Variants in SLC7A1 observed in about 807,000 individuals in gnomAD.
SLC7A1 encodes high affinity cationic amino acid transporter 1.
In SLC7A1, 10 loss-of-function variants were observed where a neutral mutation model predicts 53.9. The observed-to-expected ratio is 0.19, with a 90% CI of 0.11 to 0.31. SLC7A1 has a LOEUF of 0.31. Ranked by LOEUF, SLC7A1 falls within the 10% of genes least tolerant of loss-of-function variation. The probability of loss-of-function intolerance (pLI) is 1.00; values close to 1 mark genes in which losing one functional copy is unlikely to be tolerated. For synonymous variants in SLC7A1, 342 were observed against 338.7 expected (o/e 1.01, Z -0.11); for missense variants, 525 against 827.2 (o/e 0.63, Z 4.48).
At chr13:29,527,072 TAA>T (rs34724516) in intron 5 of SLC7A1, among the ~76,000 whole-genome samples, 31,923 of 143,884 alleles carry the variant, frequency 0.22, 3,513 homozygotes, top group African/African-American at 0.23. Flanking sequence ...AGGGCCTGAT[TAA>T]AAAAAAAAAA....
chr13:29,574,851 G>A (rs1241599121), intron 1 of SLC7A1, among the ~76,000 whole-genome samples: 1 of 151,888 alleles, frequency 6.6e-6, no homozygotes, highest in Non-Finnish European at 1.5e-5. Context: ...TCACCATGTT[G>A]GCCAGGATGG....
intron 3 of SLC7A1, 117 bp downstream of exon 3, chr13:29,535,702 T>C (rs1157111680): frequency 3.0e-6 from 3 of 983,628 alleles, no homozygotes; most frequent in Non-Finnish European, 4.6e-6. Flanking sequence ...TCCTATTAAT[T>C]CTGTGCCTCT....
chr13:29,546,236 C>A (rs1566264031), intron 2 of SLC7A1, among the ~76,000 whole-genome samples: 1 of 152,198 alleles, frequency 6.6e-6, no homozygotes, highest in East Asian at 1.9e-4. Flanking sequence ...ACGAAACAGG[C>A]TTTAAGTTCC....
chr13:29,543,934 C>T lies in SLC7A1; in HGVS notation c.-14-7732G>A, dbSNP rs991588486. On this transcript the variant is annotated intron_variant, in intron 2 of 12. Transcript: ENST00000380752. ...GGCTGAGCAGCCACCAACTGCAGAA[C>T]AGCTTCCAGGCACAGTGGGGAAGTT... Among the ~76,000 whole-genome samples the T allele has an allele frequency of 4.6e-5, 7 of 152,292 alleles. No individual in the cohort carries two copies. In the South Asian group the frequency reaches 1.5e-3, roughly 32 times the overall value.
At chr13:29,537,999 C>T (rs115585211) in intron 2 of SLC7A1, among the ~76,000 whole-genome samples, 20 of 152,288 alleles carry the variant, frequency 1.3e-4, no homozygotes, top group African/African-American at 4.6e-4. Context: ...CAGCAATGGT[C>T]GCATCACTGA....
intron 1 of SLC7A1, among the ~76,000 whole-genome samples, chr13:29,589,237 A>G (rs1297541618): frequency 6.6e-6 from 1 of 152,252 alleles, no homozygotes; most frequent in Non-Finnish European, 1.5e-5. Context: ...CTTAAGAAGG[A>G]TGGAACACAG....
chr13:29,528,141 A>G (rs1868984880), intron 5 of SLC7A1, among the ~76,000 whole-genome samples: 1 of 152,258 alleles, frequency 6.6e-6, no homozygotes, highest in African/African-American at 2.4e-5. Context: ...TGGCTGGGTG[A>G]AGCGACAAGC....
At chr13:29,572,034 G>T (rs1297539398) in intron 1 of SLC7A1, among the ~76,000 whole-genome samples, 2 of 152,368 alleles carry the variant, frequency 1.3e-5, no homozygotes, top group South Asian at 4.1e-4. Flanking sequence ...AGGTCAAAGT[G>T]AAATGTCACA....
chr13:29,517,381 C>G (rs1868399741), intron 10 of SLC7A1, 71 bp from the exon 11 acceptor site: 2 of 1,448,632 alleles, frequency 1.4e-6, no homozygotes, highest in Admixed American at 2.0e-5. Context: ...ATCCACTGTT[C>G]TCCCCTAAAC....
Position 29,509,488 on chromosome 13 carries a change from T to TAA in SLC7A1, c.*4990_*4991dup, listed in dbSNP as rs1883333737. ...CACAAAAGAGTTTGATTTTACAACATAAAGTATGGTAGGAAGTGGTCAATG... is the reference window on the plus strand; with the variant it reads ...CACAAAAGAGTTTGATTTTACAACATAAAAAGTATGGTAGGAAGTGGTCAATG... On this transcript the variant is annotated 3_prime_UTR_variant, in exon 13 of 13. Coordinates refer to ENST00000380752, the MANE Select transcript of SLC7A1 (RefSeq NM_003045.5). 6.5e-6 allele frequency: 1 copy of TAA among 152,702 alleles called. No individual in the cohort carries two copies. Among genetic ancestry groups the TAA allele is most frequent in the East Asian group, 1.9e-4 (1 of 5,182 alleles). 9.5% of individuals were successfully genotyped at this position (152,702 alleles called of 1,614,324 possible).
chr13:29,567,192 G>T (rs527581070), intron 1 of SLC7A1, among the ~76,000 whole-genome samples: 1 of 152,290 alleles, frequency 6.6e-6, no homozygotes, highest in Non-Finnish European at 1.5e-5. Flanking sequence ...GTGACAGGGC[G>T]CAGAATAATA....
chr13:29,544,548 T>C (rs1044653323), intron 2 of SLC7A1, among the ~76,000 whole-genome samples: 5 of 152,208 alleles, frequency 3.3e-5, no homozygotes, highest in Admixed American at 6.5e-5. Context: ...AACTCAGTAA[T>C]TCTCAATGCT....
intron 5 of SLC7A1, among the ~76,000 whole-genome samples, chr13:29,528,414 A>C (rs767319736): frequency 7.2e-5 from 11 of 152,204 alleles, no homozygotes; most frequent in South Asian, 4.1e-4. Flanking sequence ...ACCAACAGAC[A>C]GACCGACCTA....
rs1480399000 is a variant in SLC7A1, at chr13:29,512,535, T to A, written c.*1945A>T. The A allele has an allele frequency of 6.6e-6, 1 of 152,184 alleles. No homozygotes were observed. The highest frequency in any genetic ancestry group is 1.5e-5 in the Non-Finnish European group (1 of 68,030). The allele number at this position is 152,184 out of a possible 1,614,324, so 9.4% of individuals were successfully genotyped here. On this transcript the variant is annotated 3_prime_UTR_variant, in exon 13 of 13. Coordinates refer to ENST00000380752, the MANE Select transcript of SLC7A1 (RefSeq NM_003045.5). ...TCTTGGAGACTGTCTATCCCTCGAA[T>A]TCTCTTTGCCTATGTAGAAAATAAC...
At chr13:29,548,635 G>A (rs570097807) in intron 2 of SLC7A1, among the ~76,000 whole-genome samples, 4 of 152,380 alleles carry the variant, frequency 2.6e-5, no homozygotes, top group Admixed American at 1.3e-4. Context: ...TACAGAGCAC[G>A]AGGACTTCCA....
intron 9 of SLC7A1, among the ~76,000 whole-genome samples, chr13:29,518,924 C>G (rs1210864438): frequency 6.6e-6 from 1 of 152,026 alleles, no homozygotes; most frequent in Non-Finnish European, 1.5e-5. Flanking sequence ...TGCCTGGCCC[C>G]CACCAGGCTA....
rs776655733 is a variant in SLC7A1, at chr13:29,514,504, G to T, written c.1866C>A (p.Asp622Glu). The T allele has an allele frequency of 6.2e-7, 1 of 1,610,646 alleles. No individual in the cohort carries two copies. The highest frequency in any genetic ancestry group is 8.5e-7 in the Non-Finnish European group (1 of 1,179,770). The change falls in exon 13 of 13, where the codon GAC (aspartate) becomes GAA (glutamate). Residue 622 changes from aspartate to glutamate, a missense_variant. Physicochemically the swap from Asp to Glu is conservative, Grantham distance 45 (BLOSUM62 2). Coordinates refer to ENST00000380752, the MANE Select transcript of SLC7A1 (RefSeq NM_003045.5). Reference protein sequence around the residue: ...SLDADQARTPDGNLDQCK With the variant: ...SLDADQARTPEGNLDQCK The stretch of plus-strand genomic sequence containing the variant: ...GTCACTTGCACTGGTCCAAGTTGCC[G>T]TCAGGAGTCCTTGCTTGGTCGGCAT...
At chr13:29,571,604 A>C (rs1871194364) in intron 1 of SLC7A1, among the ~76,000 whole-genome samples, 3 of 152,212 alleles carry the variant, frequency 2.0e-5, no homozygotes, top group Non-Finnish European at 4.4e-5. Flanking sequence ...TTTTGGGCCA[A>C]ATTTGGAAGC....
At chr13:29,572,117 T>C (rs1209432543) in intron 1 of SLC7A1, among the ~76,000 whole-genome samples, 1 of 152,210 alleles carries the variant, frequency 6.6e-6, no homozygotes, top group Non-Finnish European at 1.5e-5. Context: ...GTGGCATGCA[T>C]GACACTGCCC....
Sources: gnomAD v4.1 joint callset for allele counts (sites outside exome capture counted in the v4.1 genomes callset) on GRCh38, gnomAD v4.1.1 for gene constraint, MANE v1.5 for transcripts, NCBI Gene and HGNC (gene_info 2026-07-23, HGNC 2026-07-21) for gene names.